PICALM: variants seen among roughly 807,000 people sequenced by gnomAD.
PICALM encodes the protein phosphatidylinositol binding clathrin assembly protein.
A neutral mutation model predicts 80.5 loss-of-function variants in PICALM; 40 were observed. That is an observed-to-expected ratio of 0.50 (90% CI 0.39 to 0.65). PICALM has a LOEUF of 0.65. Among genes scored for constraint, PICALM ranks in the 30% least tolerant of loss-of-function variants. The pLI is 0.00. For missense variants in PICALM, 676 were observed against 778.9 expected (o/e 0.87, Z 1.57); for synonymous variants, 288 against 260.3 (o/e 1.11, Z -1.02).
At chr11:86,048,511 G>A (rs1323468929) in intron 1 of PICALM, among the ~76,000 whole-genome samples, 1 of 152,074 alleles carries the variant, frequency 6.6e-6, no homozygotes, top group African/African-American at 2.4e-5. Context: ...ATAGTTCTGT[G>A]AAGAAAAATT....
At chr11:86,031,402 A>G in intron 2 of PICALM, 67 bp downstream of exon 2, 2 of 1,283,054 alleles carry the variant, frequency 1.6e-6, no homozygotes, top group Non-Finnish European at 2.2e-6. Context: ...CTGAAGTTTC[A>G]GTGAGAGAAG....
Position 85,958,309 on chromosome 11 carries a change from G to T in PICALM, c.*737C>A, listed in dbSNP as rs991476373. 18 of 213,166 alleles carry T rather than the reference G, an allele frequency of 8.4e-5. No homozygotes were observed. The highest frequency in any genetic ancestry group is 6.4e-4 in the Admixed American group (11 of 17,112). 13.2% of individuals were successfully genotyped at this position (213,166 alleles called of 1,614,324 possible). ...CTTCCCTAAATCCCACAGAGGCCGA[G>T]AATTCTTAAGAGATTCAGACCTATG... is the stretch of plus-strand genomic sequence containing the variant. On this transcript the variant is annotated 3_prime_UTR_variant, in exon 20 of 20. Transcript: ENST00000393346.
chr11:86,026,792 A>T (rs2095655608), intron 2 of PICALM, among the ~76,000 whole-genome samples: 1 of 152,214 alleles, frequency 6.6e-6, no homozygotes, highest in African/African-American at 2.4e-5. Flanking sequence ...CACTGTCCAG[A>T]TTAAACAAAT....
At chr11:86,040,384 G>A (rs552283467) in intron 1 of PICALM, among the ~76,000 whole-genome samples, 9 of 151,820 alleles carry the variant, frequency 5.9e-5, no homozygotes, top group Non-Finnish European at 1.3e-4. Flanking sequence ...TATTTTTATA[G>A]AGACGAGGTC....
intron 1 of PICALM, among the ~76,000 whole-genome samples, chr11:86,050,204 C>CACAAA: frequency 1.2e-5 from 1 of 81,802 alleles, no homozygotes; most frequent in Middle Eastern, 5.4e-3. Flanking sequence ...GACTCTGTCT[C>CACAAA]AAAAAAAAAA....
At chr11:86,063,167 C>A (rs942044391) in intron 1 of PICALM, among the ~76,000 whole-genome samples, 2 of 152,088 alleles carry the variant, frequency 1.3e-5, no homozygotes, top group African/African-American at 4.8e-5. Flanking sequence ...GAAAGCAATT[C>A]TGATTATTAA....
intron 1 of PICALM, among the ~76,000 whole-genome samples, chr11:86,039,960 C>T (rs769178933): frequency 9.1e-5 from 13 of 143,514 alleles, no homozygotes; most frequent in East Asian, 2.0e-4. Context: ...GCCGAGATCG[C>T]GCCATTGCAC....
intron 12 of PICALM, among the ~76,000 whole-genome samples, chr11:85,992,173 T>C (rs2094802364): frequency 6.6e-6 from 1 of 151,894 alleles, no homozygotes; most frequent in Admixed American, 6.6e-5. Flanking sequence ...AATATATATA[T>C]ATTTTAGCTA....
intron 8 of PICALM, among the ~76,000 whole-genome samples, chr11:86,004,800 T>C (rs2095242408): frequency 6.6e-6 from 1 of 152,220 alleles, no homozygotes; most frequent in Non-Finnish European, 1.5e-5. Context: ...TCCCTCTATA[T>C]ACCAGGACCC....
Position 85,979,587 on chromosome 11 carries a change from G to A in PICALM, c.1779+1542C>T, listed in dbSNP as rs150917851. ...CAACAAAAAAACACTGCCTTAAAAA[G>A]GTAGCTAAATCTCAATATTACTTTC... On this transcript the variant is annotated intron_variant, in intron 17 of 19. Transcript: ENST00000393346. Among the ~76,000 whole-genome samples, 482 of 152,002 alleles carry A rather than the reference G, an allele frequency of 3.2e-3. 3 individuals carry two copies. The highest frequency in any genetic ancestry group is 0.011 in the African/African-American group (463 of 41,476).
rs188909149 is a variant in PICALM, at chr11:86,062,379, G to A, written c.130+6272C>T. On this transcript the variant is annotated intron_variant, in intron 1 of 19. Transcript: ENST00000393346. ...CAAAAATACAAAAATTTAGCTGGGC[G>A]TGGTGGTGGGCACCTGTAATCCCAG... is the stretch of plus-strand genomic sequence containing the variant. 8.5e-5 allele frequency among the ~76,000 whole-genome samples: 13 copies of A among 152,178 alleles called. No individual in the cohort carries two copies. The East Asian group carries it at 1.4e-3, about 16-fold the overall frequency.
intron 19 of PICALM, among the ~76,000 whole-genome samples, chr11:85,972,440 AC>A (rs1158390528): frequency 6.6e-6 from 1 of 152,108 alleles, no homozygotes; most frequent in African/African-American, 2.4e-5. Flanking sequence ...TAGTTGAAGA[AC>A]CCTTCCAAGT....
chr11:86,064,073 G>T (rs1394691305), intron 1 of PICALM, among the ~76,000 whole-genome samples: 1 of 152,128 alleles, frequency 6.6e-6, no homozygotes, highest in East Asian at 1.9e-4. Flanking sequence ...CTTTAAAAGG[G>T]AATTAATTCA....
chr11:85,996,061 A>G (rs2094949760), intron 12 of PICALM, among the ~76,000 whole-genome samples: 1 of 152,144 alleles, frequency 6.6e-6, no homozygotes. Context: ...TCGGAACAAA[A>G]TATTTTAAAA....
At chr11:86,000,873 G>T in intron 10 of PICALM, 94 bp from the exon 11 acceptor site, 1 of 1,503,812 alleles carries the variant, frequency 6.6e-7, no homozygotes, top group Non-Finnish European at 9.0e-7. Context: ...TCTGATAGCA[G>T]ATATTCTGTT....
At chr11:86,062,784 A>G (rs971007021) in intron 1 of PICALM, among the ~76,000 whole-genome samples, 6 of 152,232 alleles carry the variant, frequency 3.9e-5, no homozygotes, top group Non-Finnish European at 8.8e-5. Flanking sequence ...CACAGTGAAC[A>G]TACAAAATAC....
intron 1 of PICALM, among the ~76,000 whole-genome samples, chr11:86,052,814 T>C (rs983601746): frequency 2.6e-5 from 4 of 152,184 alleles, no homozygotes; most frequent in African/African-American, 9.7e-5. Context: ...CTCAGACAAT[T>C]GCTCCGACTG....
At chr11:86,069,304 G>T (rs549172232), upstream of PICALM, 65 of 166,496 alleles carry the variant, frequency 3.9e-4, no homozygotes, top group African/African-American at 1.5e-3. Flanking sequence ...GTGCACAGCC[G>T]GCGCATCACG....
chr11:86,000,866 G>A lies in PICALM; in HGVS notation c.1018-87C>T, dbSNP rs2095122746. ...AAAAAAGCATTTTCTAATTTGTTCT[G>A]ATAGCAGATATTCTGTTTTACCTAA... On this transcript the variant is annotated intron_variant, in intron 10 of 19. Coordinates refer to ENST00000393346, the MANE Select transcript of PICALM (RefSeq NM_007166.4). 4 of 1,511,618 alleles carry A rather than the reference G, an allele frequency of 2.6e-6. No homozygotes were observed. The South Asian group carries it at 3.8e-5, about 14-fold the overall frequency. 93.6% of individuals were successfully genotyped at this position (1,511,618 alleles called of 1,614,324 possible). A position where few individuals can be genotyped will look rare whatever the true frequency, so the allele number is the denominator to read the frequency against.
Sources: allele counts gnomAD v4.1 joint callset (sites outside exome capture counted in the v4.1 genomes callset), GRCh38; gene constraint gnomAD v4.1.1; transcripts MANE v1.5; gene names NCBI Gene and HGNC (gene_info 2026-07-23, HGNC 2026-07-21).